AMBRA1: variants seen among roughly 807,000 people sequenced by gnomAD.
The protein encoded by AMBRA1 is activating molecule in BECN1-regulated autophagy protein 1.
AMBRA1 carries 47 observed loss-of-function variants against 125.4 expected under a neutral mutation model. That is an observed-to-expected ratio of 0.37 (90% CI 0.30 to 0.48). The LOEUF is 0.48. AMBRA1 is among the 20% of genes least tolerant of loss of function. AMBRA1 has a pLI of 0.99. For synonymous variants in AMBRA1, 626 were observed against 655.5 expected, an observed-to-expected ratio of 0.95 and a Z score of 0.69; for missense variants, 1,331 against 1,693.4, an observed-to-expected ratio of 0.79 and a Z score of 3.76.
intron 17 of AMBRA1, among the ~76,000 whole-genome samples, chr11:46,399,493 A>T (rs932900737): frequency 6.6e-6 from 1 of 151,892 alleles, no homozygotes; most frequent in Non-Finnish European, 1.5e-5. Context: ...CAGCCTCCTG[A>T]GTAGCTGGGA....
chr11:46,528,236 G>A (rs1216387519), intron 7 of AMBRA1, among the ~76,000 whole-genome samples: 4 of 152,160 alleles, frequency 2.6e-5, no homozygotes, highest in Non-Finnish European at 4.4e-5. Context: ...GCAGTGGCAC[G>A]ATCCCGGCTC....
At chr11:46,469,151 G>T (rs1382554918) in intron 11 of AMBRA1, among the ~76,000 whole-genome samples, 2 of 151,996 alleles carry the variant, frequency 1.3e-5, no homozygotes, top group Admixed American at 1.3e-4. Flanking sequence ...CTCAAAAAAA[G>T]AAAAAGAAGA....
intron 1 of AMBRA1, among the ~76,000 whole-genome samples, chr11:46,578,262 G>C (rs2044032782): frequency 6.6e-6 from 1 of 151,856 alleles, no homozygotes; most frequent in Non-Finnish European, 1.5e-5. Flanking sequence ...CGAGGCGGGT[G>C]GATCACCTGA....
intron 1 of AMBRA1, among the ~76,000 whole-genome samples, chr11:46,560,095 C>T (rs528158703): frequency 6.6e-6 from 1 of 152,286 alleles, no homozygotes; most frequent in South Asian, 2.1e-4. Context: ...TAATTAACCA[C>T]CTGACAAATT....
chr11:46,563,241 C>CT lies in AMBRA1; in HGVS notation c.-120-14742dup, dbSNP rs200094704. ...AACATAGAGAACATAGACCTCATCTCTTTTTTTTGTTTGTTTTTGTCAACC... is the reference window on the plus strand; with the variant it reads ...AACATAGAGAACATAGACCTCATCTCTTTTTTTTTGTTTGTTTTTGTCAACC... On this transcript the variant is annotated intron_variant, in intron 1 of 17. Coordinates refer to ENST00000683756, the MANE Select transcript of AMBRA1 (RefSeq NM_001387011.1). Among the ~76,000 whole-genome samples the CT allele has an allele frequency of 2.4e-3, 372 of 151,988 alleles. 2 individuals are homozygous for CT. The highest frequency in any genetic ancestry group is 0.015 in the South Asian group (71 of 4,798).
At chr11:46,408,277 A>G (rs1477570940) in intron 17 of AMBRA1, among the ~76,000 whole-genome samples, 1 of 152,162 alleles carries the variant, frequency 6.6e-6, no homozygotes, top group East Asian at 1.9e-4. Flanking sequence ...CTTTGGAAAA[A>G]GAGACAGGGT....
chr11:46,508,069 A>G, intron 9 of AMBRA1, 122 bp downstream of exon 9: 1 of 1,047,518 alleles, frequency 9.5e-7, no homozygotes, highest in South Asian at 1.6e-5. Context: ...CCTGCTACTC[A>G]TAAATAATAA....
intron 1 of AMBRA1, among the ~76,000 whole-genome samples, chr11:46,592,905 T>C (rs959156678): frequency 9.9e-5 from 15 of 152,090 alleles, no homozygotes; most frequent in African/African-American, 3.4e-4. Context: ...ACCATAGTTA[T>C]AAGATTTCCA....
At chr11:46,570,336 T>C (rs1456439740) in intron 1 of AMBRA1, among the ~76,000 whole-genome samples, 2 of 146,986 alleles carry the variant, frequency 1.4e-5, no homozygotes, top group Non-Finnish European at 3.0e-5. Context: ...ACTCTAAGTC[T>C]CCTCCATGGA....
intron 14 of AMBRA1, among the ~76,000 whole-genome samples, chr11:46,426,936 G>T (rs1947166908): frequency 6.6e-6 from 1 of 152,048 alleles, no homozygotes; most frequent in South Asian, 2.1e-4. Context: ...TTTGGTATTT[G>T]CCACCCCCAA....
At chr11:46,484,944 C>CA (rs1554984289) in intron 11 of AMBRA1, among the ~76,000 whole-genome samples, 3 of 140,220 alleles carry the variant, frequency 2.1e-5, no homozygotes, top group African/African-American at 8.0e-5. Context: ...TGTGCCCAGG[C>CA]TTTTTTTTTT....
intron 1 of AMBRA1, among the ~76,000 whole-genome samples, chr11:46,549,776 TTTTG>T (rs1435961647): frequency 1.3e-5 from 2 of 152,162 alleles, no homozygotes; most frequent in South Asian, 2.1e-4. Context: ...CCATGTTTTG[TTTTG>T]TTTATGTTTT....
At chr11:46,455,652 C>T (rs755727114) in intron 11 of AMBRA1, among the ~76,000 whole-genome samples, 9 of 152,170 alleles carry the variant, frequency 5.9e-5, no homozygotes, top group South Asian at 4.1e-4. Context: ...TCATGCCATC[C>T]GGCCTGGTGA....
At chr11:46,493,147 C>G (rs1950522697) in intron 11 of AMBRA1, among the ~76,000 whole-genome samples, 1 of 152,206 alleles carries the variant, frequency 6.6e-6, no homozygotes, top group African/African-American at 2.4e-5. Flanking sequence ...CCAAGGGCGT[C>G]TCCCTCTTTT....
chr11:46,454,417 G>C (rs1415363139), intron 11 of AMBRA1, among the ~76,000 whole-genome samples: 2 of 151,246 alleles, frequency 1.3e-5, no homozygotes, highest in Non-Finnish European at 2.9e-5. Context: ...CCACAGCACA[G>C]TAAGGTTTAT....
chr11:46,588,963 G>C (rs1034830215), intron 1 of AMBRA1, among the ~76,000 whole-genome samples: 4 of 152,068 alleles, frequency 2.6e-5, no homozygotes, highest in African/African-American at 9.7e-5. Context: ...TCTCTATGGG[G>C]AAATTAACAT....
At chr11:46,442,817 A>G (rs191057615) in intron 12 of AMBRA1, among the ~76,000 whole-genome samples, 3 of 152,380 alleles carry the variant, frequency 2.0e-5, no homozygotes, top group East Asian at 3.9e-4. Flanking sequence ...GACAAGATAG[A>G]AAAATTTCAG....
intron 11 of AMBRA1, among the ~76,000 whole-genome samples, chr11:46,460,383 G>A (rs928848783): frequency 2.0e-5 from 3 of 150,666 alleles, no homozygotes; most frequent in South Asian, 2.1e-4. Context: ...GCACAGTGGC[G>A]CAATCTTGGC....
intron 4 of AMBRA1, chr11:46,546,036 T>TC (rs1234827735): frequency 4.6e-4 from 83 of 179,224 alleles, no homozygotes; most frequent in Non-Finnish European, 5.1e-4. Context: ...CCTATTTCTT[T>TC]TTTTTTTTTT....
Sources: gnomAD v4.1 joint callset for allele counts (sites outside exome capture counted in the v4.1 genomes callset) on GRCh38, gnomAD v4.1.1 for gene constraint, MANE v1.5 for transcripts, NCBI Gene and HGNC (gene_info 2026-07-23, HGNC 2026-07-21) for gene names.